The following ACOT7 variants were observed in gnomAD, a reference collection of about 807,000 sequenced individuals.
ACOT7 encodes acyl-CoA thioesterase 7.
ACOT7 carries 12 observed loss-of-function variants against 40.2 expected under a neutral mutation model. That is an observed-to-expected ratio of 0.30 (90% CI 0.19 to 0.48). The LOEUF is 0.48. Among genes scored for constraint, ACOT7 ranks in the 20% least tolerant of loss-of-function variants. The pLI is 0.99. For synonymous variants in ACOT7, 228 were observed against 219.5 expected (o/e 1.04, Z -0.34); for missense variants, 395 against 530.8 (o/e 0.74, Z 2.51).
chr1:6,392,219 A>G (rs1346996581), intron 1 of ACOT7, among the ~76,000 whole-genome samples: 1 of 152,180 alleles, frequency 6.6e-6, no homozygotes, highest in Non-Finnish European at 1.5e-5. Flanking sequence ...GCTTGAGCCC[A>G]AGGTCAGTCT....
intron 7 of ACOT7, among the ~76,000 whole-genome samples, chr1:6,286,977 G>A (rs1205534891): frequency 2.6e-5 from 4 of 152,204 alleles, no homozygotes. Flanking sequence ...TAGTAGAGAT[G>A]GGGTTTCAGC....
chr1:6,283,095 G>T (rs963396030), intron 7 of ACOT7, among the ~76,000 whole-genome samples: 5 of 152,106 alleles, frequency 3.3e-5, no homozygotes, highest in African/African-American at 1.2e-4. Flanking sequence ...ACCCATGAGC[G>T]TGGTGCCTGG....
intron 1 of ACOT7, among the ~76,000 whole-genome samples, chr1:6,385,012 A>G (rs1401196524): frequency 6.6e-6 from 1 of 152,012 alleles, no homozygotes; most frequent in Non-Finnish European, 1.5e-5. Flanking sequence ...TAGGAGAAAT[A>G]AAGTATGCAA....
chr1:6,284,563 C>T lies in ACOT7; in HGVS notation c.830-3277G>A, dbSNP rs368918913. On this transcript the variant is annotated intron_variant, in intron 7 of 8. Transcript: ENST00000361521. ...TGCACTCCAGCCTGGGCAACAAGAG[C>T]GAAACTCCATCTCAAAAAAAAAAAA... is the stretch of plus-strand genomic sequence containing the variant. 3.2e-4 allele frequency among the ~76,000 whole-genome samples: 39 copies of T among 122,618 alleles called. No homozygotes were observed. In the East Asian group the frequency reaches 5.4e-3, roughly 17 times the overall value. The allele number at this position is 122,618 out of a possible 152,430, so 80.4% of individuals were successfully genotyped here. A position where few individuals can be genotyped will look rare whatever the true frequency, so the allele number is the denominator to read the frequency against.
intron 8 of ACOT7, 77 bp from the exon 9 acceptor site, chr1:6,264,772 G>A (rs1638767643): frequency 1.4e-6 from 2 of 1,474,492 alleles, no homozygotes; most frequent in South Asian, 2.4e-5. Context: ...CTGGCCTGGG[G>A]CCCTGCCCCC....
At chr1:6,336,128 C>G (rs768395120) in intron 3 of ACOT7, among the ~76,000 whole-genome samples, 3 of 152,068 alleles carry the variant, frequency 2.0e-5, no homozygotes, top group Non-Finnish European at 2.9e-5. Context: ...AGGCGGATCA[C>G]GAGCTCAGAA....
chr1:6,291,921 C>T (rs115099831), intron 7 of ACOT7, among the ~76,000 whole-genome samples: 2,032 of 152,306 alleles, frequency 0.013, 35 homozygotes, highest in African/African-American at 0.047. Flanking sequence ...GCGTGGGAGG[C>T]AGCGAGCTGA....
At chr1:6,293,122 C>T (rs1012073198) in intron 7 of ACOT7, among the ~76,000 whole-genome samples, 10 of 152,152 alleles carry the variant, frequency 6.6e-5, no homozygotes, top group Non-Finnish European at 1.2e-4. Context: ...CTCTCCTGAC[C>T]TCATGATCCG....
intron 7 of ACOT7, among the ~76,000 whole-genome samples, chr1:6,283,455 T>A (rs1571268508): frequency 6.6e-6 from 1 of 152,186 alleles, no homozygotes; most frequent in Non-Finnish European, 1.5e-5. Context: ...TGTGAGCCAC[T>A]CCGCCCAGGC....
At chr1:6,293,946 C>T (rs1290000261) in intron 7 of ACOT7, among the ~76,000 whole-genome samples, 1 of 152,200 alleles carries the variant, frequency 6.6e-6, no homozygotes, top group Non-Finnish European at 1.5e-5. Context: ...CTACCCGGGG[C>T]CTGGGAGTCT....
chr1:6,366,660 T>C (rs1465908170), intron 1 of ACOT7, among the ~76,000 whole-genome samples: 2 of 143,772 alleles, frequency 1.4e-5, no homozygotes, highest in African/African-American at 5.0e-5. Context: ...TAGAACTTAC[T>C]TTTTTTTTTT....
At position 6,294,535 on chromosome 1, in the gene ACOT7, A is replaced by G. The variant is rs1158698396; in HGVS notation, c.829+329T>C. Reference sequence around the variant, plus strand: ...CGCTCCCAAAATGAAATGTGCTGCCATGAGGTTTGGTGTCCAGGGTCGTGG... The same window carrying G: ...CGCTCCCAAAATGAAATGTGCTGCCGTGAGGTTTGGTGTCCAGGGTCGTGG... On this transcript the variant is annotated intron_variant, in intron 7 of 8. Transcript: ENST00000361521. This position sits in a 1 kb window ranked among gnomAD's most constrained non-coding sequence, Gnocchi z 4.6. Among the ~76,000 whole-genome samples, 2 of 152,206 alleles carry G rather than the reference A, an allele frequency of 1.3e-5. No homozygotes were observed. The highest frequency in any genetic ancestry group is 3.8e-4 in the East Asian group (2 of 5,196).
chr1:6,307,360 A>G (rs1339163604), intron 6 of ACOT7, among the ~76,000 whole-genome samples: 1 of 152,254 alleles, frequency 6.6e-6, no homozygotes, highest in Non-Finnish European at 1.5e-5. Context: ...CAGTCCAGTC[A>G]TTCAGCTACT....
rs1027452925 is a variant in ACOT7, at chr1:6,330,674, G to A, written c.510+2803C>T. On this transcript the variant is annotated intron_variant, in intron 4 of 8. Transcript: ENST00000361521. This position sits in a 1 kb window ranked among gnomAD's most constrained non-coding sequence, Gnocchi z 4.6. The stretch of plus-strand genomic sequence containing the variant: ...GAGAGGCGAGGCTAACAGGGGCCAC[G>A]CTGAAAGCACCCTGTCCCTGCAGCG... Among the ~76,000 whole-genome samples, 3 of 152,192 alleles carry A rather than the reference G, an allele frequency of 2.0e-5. No homozygotes were observed. Among genetic ancestry groups the A allele is most frequent in the East Asian group, 1.9e-4 (1 of 5,192 alleles).
chr1:6,380,523 A>C (rs1478535191), intron 1 of ACOT7, among the ~76,000 whole-genome samples: 1 of 149,982 alleles, frequency 6.7e-6, no homozygotes, highest in Non-Finnish European at 1.5e-5. Flanking sequence ...CAGGAGGCGA[A>C]GGTTGTAATG....
At position 6,378,163 on chromosome 1, in the gene ACOT7, C is replaced by T. The variant is rs1307284544; in HGVS notation, c.143+15094G>A. Among the ~76,000 whole-genome samples the T allele has an allele frequency of 2.0e-5, 3 of 147,344 alleles. No individual in the cohort carries two copies. In the South Asian group the frequency reaches 6.3e-4, roughly 31 times the overall value. On this transcript the variant is annotated intron_variant, in intron 1 of 8. Coordinates refer to ENST00000361521, the MANE Select transcript of ACOT7 (RefSeq NM_007274.4). Reference sequence around the variant, plus strand: ...GCCACCACTGTTCAAATTAATTCCACCAGAGCAGCCCTGGGTGCCCGAGAG... The same window carrying T: ...GCCACCACTGTTCAAATTAATTCCATCAGAGCAGCCCTGGGTGCCCGAGAG...
intron 4 of ACOT7, among the ~76,000 whole-genome samples, chr1:6,329,537 G>A (rs1484835655): frequency 1.3e-5 from 2 of 151,722 alleles, no homozygotes; most frequent in Non-Finnish European, 2.9e-5. Context: ...AATCCTCATG[G>A]TATCCAGTAC....
chr1:6,296,402 T>C (rs1444072101), intron 6 of ACOT7, among the ~76,000 whole-genome samples: 1 of 151,846 alleles, frequency 6.6e-6, no homozygotes, highest in East Asian at 1.9e-4. Context: ...GTACAACACA[T>C]ATATTACAAT....
intron 8 of ACOT7, among the ~76,000 whole-genome samples, chr1:6,273,873 G>A (rs1339161708): frequency 1.3e-5 from 2 of 152,236 alleles, no homozygotes; most frequent in African/African-American, 4.8e-5. Context: ...GCAGGAGCCT[G>A]TGGCAACGGG....
Sources: allele counts gnomAD v4.1 joint callset (sites outside exome capture counted in the v4.1 genomes callset), GRCh38; gene constraint gnomAD v4.1.1; non-coding constraint Gnocchi (gnomAD v3.1); transcripts MANE v1.5; gene names NCBI Gene and HGNC (gene_info 2026-07-23, HGNC 2026-07-21).